WBP1L: variants seen among roughly 807,000 people sequenced by gnomAD.
WBP1L encodes WW domain binding protein 1-like.
A neutral mutation model predicts 33.7 loss-of-function variants in WBP1L; 17 were observed. That is an observed-to-expected ratio of 0.50 (90% CI 0.34 to 0.76). The LOEUF (loss-of-function observed/expected upper bound fraction) is 0.76. Among genes scored for constraint, WBP1L ranks in the 30% least tolerant of loss-of-function variants. The probability of loss-of-function intolerance (pLI) is 0.01; values close to 1 mark genes in which losing one functional copy is unlikely to be tolerated. For missense variants in WBP1L, 389 were observed against 469.4 expected (o/e 0.83, Z 1.58); for synonymous variants, 173 against 190.8 (o/e 0.91, Z 0.77).
intron 2 of WBP1L, among the ~76,000 whole-genome samples, chr10:102,808,103 C>T (rs1269500943): frequency 2.6e-5 from 4 of 151,858 alleles, no homozygotes; most frequent in Admixed American, 2.6e-4. Context: ...AGCTTGCGCC[C>T]AGAAGGTTGA....
chr10:102,806,804 C>T (rs1034676082), intron 2 of WBP1L, among the ~76,000 whole-genome samples: 2 of 152,104 alleles, frequency 1.3e-5, no homozygotes, highest in Non-Finnish European at 2.9e-5. Context: ...TCCTGCCCCA[C>T]TTGGTGGAGG....
At chr10:102,797,423 G>A (rs1843587979) in intron 1 of WBP1L, among the ~76,000 whole-genome samples, 2 of 152,196 alleles carry the variant, frequency 1.3e-5, no homozygotes, top group Admixed American at 6.5e-5. Context: ...TGTCCTGTCT[G>A]AGGAAAACTT....
chr10:102,798,645 G>A lies in WBP1L; in HGVS notation c.193+550G>A, dbSNP rs367687793. Among the ~76,000 whole-genome samples, 70 of 152,248 alleles carry A rather than the reference G, an allele frequency of 4.6e-4. 1 individual carries two copies. In the South Asian group the frequency reaches 0.015, roughly 32 times the overall value. On this transcript the variant is annotated intron_variant, in intron 2 of 3. Coordinates refer to ENST00000448841, the MANE Select transcript of WBP1L (RefSeq NM_001083913.2). ...TCACCGTATTGGCCAAGATGGTCTC[G>A]ATCTGTTGACCTCGTGATCTGCCCG... is the stretch of plus-strand genomic sequence containing the variant.
chr10:102,781,874 G>T (rs1165310262), intron 1 of WBP1L, among the ~76,000 whole-genome samples: 21 of 125,322 alleles, frequency 1.7e-4, no homozygotes, highest in Non-Finnish European at 8.2e-5. Context: ...TTTTTTGGGG[G>T]GGGTGGGGGG....
intron 1 of WBP1L, among the ~76,000 whole-genome samples, chr10:102,746,379 C>T (rs929606793): frequency 6.6e-6 from 1 of 152,054 alleles, no homozygotes; most frequent in African/African-American, 2.4e-5. Context: ...GGAAAGTTTT[C>T]GTAATGAGCA....
At chr10:102,785,681 C>T (rs1843405685) in intron 1 of WBP1L, among the ~76,000 whole-genome samples, 2 of 152,158 alleles carry the variant, frequency 1.3e-5, no homozygotes, top group Admixed American at 1.3e-4. Flanking sequence ...CTAAACTGCC[C>T]CTCTGCTCTG....
intron 1 of WBP1L, among the ~76,000 whole-genome samples, chr10:102,780,564 C>T (rs1356954914): frequency 1.3e-5 from 2 of 152,194 alleles, no homozygotes; most frequent in Non-Finnish European, 1.5e-5. Context: ...AAGTCCTGTG[C>T]ACCTGTTCTA....
intron 1 of WBP1L, among the ~76,000 whole-genome samples, chr10:102,773,075 T>C (rs593410): frequency 0.47 from 71,218 of 151,954 alleles, 17,838 homozygotes; most frequent in East Asian, 0.77. Context: ...GAACCCATTT[T>C]TTCAGGCTAG....
chr10:102,753,529 G>C (rs1842943896), intron 1 of WBP1L, among the ~76,000 whole-genome samples: 1 of 152,192 alleles, frequency 6.6e-6, no homozygotes, highest in South Asian at 2.1e-4. Flanking sequence ...CATCCTCTCA[G>C]ACTTGCAGAT....
At chr10:102,757,155 C>T (rs1325796954) in intron 1 of WBP1L, among the ~76,000 whole-genome samples, 1 of 152,088 alleles carries the variant, frequency 6.6e-6, no homozygotes, top group African/African-American at 2.4e-5. Flanking sequence ...TCTCAAAGTG[C>T]TGGGATTACA....
At chr10:102,780,348 T>C (rs183471838) in intron 1 of WBP1L, among the ~76,000 whole-genome samples, 2 of 152,236 alleles carry the variant, frequency 1.3e-5, no homozygotes, top group African/African-American at 4.8e-5. Flanking sequence ...TATCCCTTTA[T>C]TATCTGACAA....
chr10:102,759,648 C>T (rs751249354), intron 1 of WBP1L, among the ~76,000 whole-genome samples: 4 of 152,036 alleles, frequency 2.6e-5, no homozygotes, highest in Non-Finnish European at 4.4e-5. Flanking sequence ...CGTTGGTGTA[C>T]AAGTTTTTTT....
rs150555518 is a variant in WBP1L at position 102,746,552 on chromosome 10, A to G, written c.90+2409A>G. Among the ~76,000 whole-genome samples the G allele has an allele frequency of 8.0e-3, 1,218 of 151,772 alleles. 10 individuals are homozygous for G. Among genetic ancestry groups the G allele is most frequent in the African/African-American group, 0.028 (1,153 of 41,358 alleles). The stretch of plus-strand genomic sequence containing the variant: ...TAACCTTCGGAATGCAAGTTACTAT[A>G]TAATTATTAACTCTGAATCCACCGC... On this transcript the variant is annotated intron_variant, in intron 1 of 3. Transcript: ENST00000448841.
intron 1 of WBP1L, chr10:102,744,553 T>G: frequency 2.2e-6 from 2 of 910,570 alleles, no homozygotes; most frequent in South Asian, 5.0e-5. Context: ...AGGGAGGGGA[T>G]CCTGAGGATA....
intron 1 of WBP1L, chr10:102,776,399 C>G (rs199873507): frequency 2.0e-5 from 33 of 1,614,132 alleles, no homozygotes; most frequent in Non-Finnish European, 2.7e-5. Flanking sequence ...GGATGCCTTT[C>G]CTTTTGGGTC....
chr10:102,811,852 C>T (rs1378324592), intron 3 of WBP1L, among the ~76,000 whole-genome samples: 1 of 152,204 alleles, frequency 6.6e-6, no homozygotes, highest in East Asian at 1.9e-4. Flanking sequence ...GTGCTTAGCA[C>T]AGTGCCTGGC....
intron 1 of WBP1L, among the ~76,000 whole-genome samples, chr10:102,760,791 A>G (rs894471715): frequency 1.3e-5 from 2 of 152,206 alleles, no homozygotes; most frequent in Non-Finnish European, 1.5e-5. Flanking sequence ...GTCTTAGTGC[A>G]TATGCTTACA....
intron 2 of WBP1L, among the ~76,000 whole-genome samples, chr10:102,806,409 C>T (rs141073736): frequency 6.6e-6 from 1 of 152,180 alleles, no homozygotes; most frequent in African/African-American, 2.4e-5. Context: ...CCCCAACAAC[C>T]CTAGGAGATG....
intron 3 of WBP1L, among the ~76,000 whole-genome samples, chr10:102,810,711 C>A (rs1214907243): frequency 2.0e-5 from 3 of 151,606 alleles, no homozygotes; most frequent in Non-Finnish European, 2.9e-5. Context: ...GGATTACAGG[C>A]ATGCACCACC....
Sources: allele counts gnomAD v4.1 joint callset (sites outside exome capture counted in the v4.1 genomes callset), GRCh38; gene constraint gnomAD v4.1.1; transcripts MANE v1.5; gene names NCBI Gene and HGNC (gene_info 2026-07-23, HGNC 2026-07-21).